The following ZNF573 variants were observed in gnomAD, a reference collection of about 807,000 sequenced individuals.
ZNF573 encodes the protein zinc finger protein 573.
A neutral mutation model predicts 57.4 loss-of-function variants in ZNF573; 41 were observed. The ratio of observed to expected loss-of-function variants is 0.71; its 90% confidence interval spans 0.56 to 0.93. The LOEUF is 0.93. Ranked by LOEUF, ZNF573 falls within the 40% of genes least tolerant of loss-of-function variation. ZNF573 has a pLI of 0.00. For synonymous variants in ZNF573, 249 were observed against 261.0 expected (o/e 0.95, Z 0.44); for missense variants, 730 against 794.8 (o/e 0.92, Z 0.98).
rs186416936 is a variant in ZNF573 at position 37,759,715 on chromosome 19, G to A, written c.295+10290C>T. Among the ~76,000 whole-genome samples, 694 of 152,038 alleles carry A rather than the reference G, an allele frequency of 4.6e-3. 4 individuals carry two copies. Among genetic ancestry groups the A allele is most frequent in the African/African-American group, 0.016 (670 of 41,470 alleles). ...TGCACTCCAGCCTGGGCAACACAGC[G>A]AGACTCTGTCTCAAAAAATAAATAA... is the stretch of plus-strand genomic sequence containing the variant. On this transcript the variant is annotated intron_variant, in intron 4 of 4. Transcript: ENST00000536220.
At position 37,769,933 on chromosome 19, in the gene ZNF573, A is replaced by T. The variant is rs551405434; in HGVS notation, c.295+72T>A. The stretch of plus-strand genomic sequence containing the variant: ...GCCTTGGAGGAAGGTTTCACAAACA[A>T]CACAAAAATGTCTCCTTTCTCTTAC... On this transcript the variant is annotated intron_variant, in intron 4 of 4. Transcript: ENST00000536220. 10 of 1,354,288 alleles carry T rather than the reference A, an allele frequency of 7.4e-6. No individual in the cohort carries two copies. The Admixed American group carries it at 2.0e-4, about 27-fold the overall frequency. 83.9% of individuals were successfully genotyped at this position (1,354,288 alleles called of 1,614,324 possible).
In ZNF573 at chr19:37,738,530, T is replaced by C; in HGVS notation, c.1960A>G (p.Lys654Glu). 2 of 1,555,022 alleles carry C rather than the reference T, an allele frequency of 1.3e-6. No individual in the cohort carries two copies. The highest frequency in any genetic ancestry group is 1.7e-6 in the Non-Finnish European group (2 of 1,156,084). Residue 654 changes from lysine to glutamate, a missense_variant, in exon 5 of 5, where the codon AAA becomes GAA. Coordinates refer to ENST00000536220, the MANE Select transcript of ZNF573 (RefSeq NM_001172690.2). The part of the protein sequence containing the change: ...GKTFRYGSAL[K>E]AHQRIHRSIK... Reference sequence around the variant, plus strand: ...CTCCTATGAATTCTCTGATGGGCTTTAAGGGCTGAACCATATCTGAAGGTT... The same window carrying C: ...CTCCTATGAATTCTCTGATGGGCTTCAAGGGCTGAACCATATCTGAAGGTT...
rs960055680 is a variant in ZNF573 at position 37,745,971 on chromosome 19, A to T, written c.296-5777T>A. On this transcript the variant is annotated intron_variant, in intron 4 of 4. Transcript: ENST00000536220. ...TGCAGAGCTCAGTTACCTTCCAGTC[A>T]CACACAGATTGTTCCTAAAAACTGA... Among the ~76,000 whole-genome samples, 17 of 152,190 alleles carry T rather than the reference A, an allele frequency of 1.1e-4. 1 individual carries two copies. Among genetic ancestry groups the T allele is most frequent in the Admixed American group, 7.9e-4 (12 of 15,268 alleles).
intron 4 of ZNF573, among the ~76,000 whole-genome samples, chr19:37,763,592 A>G (rs2045572916): frequency 6.6e-6 from 1 of 152,014 alleles, no homozygotes; most frequent in South Asian, 2.1e-4. Context: ...AAAAAAACAG[A>G]GTAAATATCA....
At chr19:37,746,926 A>T (rs191647801) in intron 4 of ZNF573, among the ~76,000 whole-genome samples, 66 of 152,148 alleles carry the variant, frequency 4.3e-4, no homozygotes, top group African/African-American at 1.4e-3. Flanking sequence ...AAGGAATCAC[A>T]CTCCTGGGAG....
Position 37,739,596 on chromosome 19 carries a change from A to C in ZNF573, c.894T>G (p.Asp298Glu). ...NLVEHGQFHT[D>E]EKPYICEKCG... ...ATTTCTCACATATGTATGGCTTCTC[A>C]TCAGTATGAAACTGCCCATGTTCAA... Residue 298 changes from aspartate (D) to glutamate (E), a missense_variant, in exon 5 of 5, where the codon GAT (aspartate) becomes GAG (glutamate). By Grantham distance (45) the Asp-to-Glu change is conservative (BLOSUM62 2). Coordinates refer to ENST00000536220, the MANE Select transcript of ZNF573 (RefSeq NM_001172690.2). 6.2e-7 allele frequency: 1 copy of C among 1,614,018 alleles called. No homozygotes were observed. The highest frequency in any genetic ancestry group is 1.3e-5 in the African/African-American group (1 of 74,990).
chr19:37,770,232 G>A (rs2045642663), intron 3 of ZNF573, 135 bp from the exon 4 acceptor site: 1 of 698,082 alleles, frequency 1.4e-6, no homozygotes, highest in Non-Finnish European at 2.3e-6. Flanking sequence ...AAATGAAACA[G>A]GCACAGTAAA....
At chr19:37,744,562 A>ACCT (rs1380478261) in intron 4 of ZNF573, among the ~76,000 whole-genome samples, 1 of 150,994 alleles carries the variant, frequency 6.6e-6, no homozygotes, top group African/African-American at 2.4e-5. Flanking sequence ...ACACAATAAG[A>ACCT]CCTCTTCTTT....
intron 4 of ZNF573, among the ~76,000 whole-genome samples, chr19:37,756,074 T>C (rs950466676): frequency 2.0e-5 from 3 of 152,200 alleles, no homozygotes; most frequent in Non-Finnish European, 4.4e-5. Context: ...TGTCTCCTAA[T>C]GACTGATACT....
rs184252524 is a variant in ZNF573 at position 37,738,981 on chromosome 19, A to G, written c.1509T>C (p.Cys503=). Residue 503 remains cysteine, a synonymous_variant, in exon 5 of 5, where the codon TGT becomes TGC. Transcript: ENST00000536220. ...ATCCATGCAAGCTAAAGGTCTTGCC[A>G]CATTCCTTACATTTATAGGGTTTCT... ...TGEKPYKCKE[C]GKTFSLHGYL... The G allele has an allele frequency of 4.6e-4, 736 of 1,613,888 alleles. 6 individuals are homozygous for G. In the East Asian group the frequency reaches 0.015, roughly 32 times the overall value.
At position 37,740,004 on chromosome 19, in the gene ZNF573, A is replaced by T; in HGVS notation, c.486T>A (p.Tyr162Ter). ...HHRFHVIERP[Y>*]ECKECGKNFR... ...AGTTCTTCCCACACTCTTTGCATTC[A>T]TAGGGTCTCTCAATGACATGAAACC... The change falls in exon 5 of 5, where the codon TAT becomes TAA. Residue 162 changes from tyrosine (Y) to a stop codon, truncating the protein, a stop_gained. Transcript: ENST00000536220. LOFTEE classifies it high-confidence loss of function. 6.2e-7 allele frequency: 1 copy of T among 1,614,214 alleles called. No individual in the cohort carries two copies. The highest frequency in any genetic ancestry group is 8.5e-7 in the Non-Finnish European group (1 of 1,180,024).
intron 1 of ZNF573, among the ~76,000 whole-genome samples, chr19:37,776,708 T>C (rs768632444): frequency 6.6e-5 from 10 of 152,030 alleles, no homozygotes; most frequent in Non-Finnish European, 1.5e-4. Flanking sequence ...ACCCACAGGA[T>C]AGGAAAAAGT....
At chr19:37,777,888 T>C (rs171377) in intron 1 of ZNF573, among the ~76,000 whole-genome samples, 4,029 of 150,912 alleles carry the variant, frequency 0.027, 181 homozygotes, top group African/African-American at 0.092. Context: ...CCGGGCGTGG[T>C]GGCGGGCGCC....
chr19:37,773,835 T>C (rs1376796854), intron 1 of ZNF573, 84 bp from the exon 2 acceptor site: 2 of 840,756 alleles, frequency 2.4e-6, no homozygotes, highest in African/African-American at 3.4e-5. Context: ...TCCTTCCAAA[T>C]TAATCCCTCA....
chr19:37,758,199 T>TAATAAAAAAA (rs1555742417), intron 4 of ZNF573, among the ~76,000 whole-genome samples: 1 of 11,874 alleles, frequency 8.4e-5, no homozygotes, highest in Non-Finnish European at 2.7e-4. Context: ...TAAAGTATAA[T>TAATAAAAAAA]AAAATATATA....
chr19:37,744,660 G>A (rs995707158), intron 4 of ZNF573, among the ~76,000 whole-genome samples: 1 of 146,662 alleles, frequency 6.8e-6, no homozygotes, highest in Non-Finnish European at 1.5e-5. Context: ...AGAATTTCTA[G>A]AGCCTAGGCG....
chr19:37,771,451 G>A, intron 3 of ZNF573, 113 bp downstream of exon 3: 1 of 1,259,132 alleles, frequency 7.9e-7, no homozygotes, highest in Non-Finnish European at 1.1e-6. Context: ...ATTCCTCTAA[G>A]AACAGGAAGG....
chr19:37,750,074 T>G (rs1042733055), intron 4 of ZNF573, among the ~76,000 whole-genome samples: 2 of 151,756 alleles, frequency 1.3e-5, no homozygotes, highest in South Asian at 2.1e-4. Flanking sequence ...CATCCAACAT[T>G]ATTTTTTTTT....
intron 4 of ZNF573, among the ~76,000 whole-genome samples, chr19:37,749,673 G>A (rs1384271106): frequency 6.6e-6 from 1 of 151,978 alleles, no homozygotes; most frequent in Non-Finnish European, 1.5e-5. Context: ...GAGCCAAAAC[G>A]GCAGATATTT....
Sources: allele counts gnomAD v4.1 joint callset (sites outside exome capture counted in the v4.1 genomes callset), GRCh38; gene constraint gnomAD v4.1.1; transcripts MANE v1.5; gene names NCBI Gene and HGNC (gene_info 2026-07-23, HGNC 2026-07-21).